The following SLX4IP variants were observed in gnomAD, a reference collection of about 807,000 sequenced individuals.
The protein encoded by SLX4IP is SLX4 interacting protein, also known as protein SLX4IP.
Under a neutral mutation model 32.9 loss-of-function variants are expected in SLX4IP, and 34 were observed. The ratio of observed to expected loss-of-function variants is 1.03; its 90% CI spans 0.79 to 1.38. SLX4IP has a LOEUF of 1.38. Among genes scored for constraint, SLX4IP ranks in the 40% most tolerant of loss-of-function variants. The pLI, the probability that SLX4IP is intolerant of heterozygous loss-of-function variation, is 0.00. For missense variants in SLX4IP, 444 were observed against 479.0 expected (o/e 0.93, Z 0.68); for synonymous variants, 172 against 171.7 (o/e 1.00, Z -0.01).
chr20:10,562,223 G>T (rs2066340586), intron 4 of SLX4IP, among the ~76,000 whole-genome samples: 1 of 152,184 alleles, frequency 6.6e-6, no homozygotes, highest in Admixed American at 6.5e-5. Context: ...TCTTGCCTTG[G>T]TGTACCGGAA....
In SLX4IP at chr20:10,604,954, A is replaced by G. The variant is rs2066888670; in HGVS notation, c.405+3135A>G. On this transcript the variant is annotated intron_variant, in intron 6 of 7. Transcript: ENST00000334534. ...CCTTTATTTGGTTTGTTTTTTCCTC[A>G]CCGTTTTTTTCCTTGGAAATATGAA... Among the ~76,000 whole-genome samples the G allele has an allele frequency of 2.6e-5, 4 of 151,854 alleles. No individual in the cohort carries two copies. In the East Asian group the frequency reaches 7.7e-4, roughly 29 times the overall value.
intron 2 of SLX4IP, among the ~76,000 whole-genome samples, chr20:10,511,994 T>G (rs528245753): frequency 1.8e-4 from 28 of 152,360 alleles, no homozygotes; most frequent in Middle Eastern, 3.4e-3. Flanking sequence ...TGTGAGATTA[T>G]GGGATTGGAA....
At chr20:10,487,620 C>T (rs1343082740) in intron 2 of SLX4IP, among the ~76,000 whole-genome samples, 1 of 152,128 alleles carries the variant, frequency 6.6e-6, no homozygotes, top group African/African-American at 2.4e-5. Context: ...TGATATGTAA[C>T]TTGGGCAGCA....
chr20:10,547,174 A>G (rs759435079), intron 2 of SLX4IP, among the ~76,000 whole-genome samples: 1 of 152,232 alleles, frequency 6.6e-6, no homozygotes, highest in East Asian at 1.9e-4. Context: ...GATACCAGAG[A>G]TGATTTACTG....
intron 2 of SLX4IP, among the ~76,000 whole-genome samples, chr20:10,510,483 C>G (rs1600944521): frequency 1.3e-5 from 2 of 152,182 alleles, no homozygotes; most frequent in South Asian, 4.1e-4. Flanking sequence ...AGCACGGAGC[C>G]CTGCTGGTGG....
At chr20:10,503,574 G>A (rs6077818) in intron 2 of SLX4IP, among the ~76,000 whole-genome samples, 3 of 152,290 alleles carry the variant, frequency 2.0e-5, no homozygotes, top group South Asian at 2.1e-4. Context: ...ACATGACTTC[G>A]TTTCTTAGCT....
intron 1 of SLX4IP, among the ~76,000 whole-genome samples, chr20:10,440,856 G>C (rs539272840): frequency 3.2e-4 from 48 of 152,248 alleles, no homozygotes; most frequent in African/African-American, 9.4e-4. Flanking sequence ...TTGTGCTCTT[G>C]TTGTTGGAAT....
rs558240249 is a variant in SLX4IP, at chr20:10,517,554, A to G, written c.28-38677A>G. Among the ~76,000 whole-genome samples the G allele has an allele frequency of 1.7e-4, 26 of 152,352 alleles. No individual in the cohort carries two copies. The South Asian group carries it at 3.5e-3, about 21-fold the overall frequency. On this transcript the variant is annotated intron_variant, in intron 2 of 7. Coordinates refer to ENST00000334534, the MANE Select transcript of SLX4IP (RefSeq NM_001009608.3). Reference sequence around the variant, plus strand: ...GGCTCTGGAGACAAATGAGCAGCCCAAGTTGCACTCCTAGCTCCTTGTCCG... The same window carrying G: ...GGCTCTGGAGACAAATGAGCAGCCCGAGTTGCACTCCTAGCTCCTTGTCCG...
intron 2 of SLX4IP, among the ~76,000 whole-genome samples, chr20:10,520,251 C>T (rs1485543283): frequency 3.3e-5 from 5 of 151,980 alleles, no homozygotes; most frequent in East Asian, 1.9e-4. Context: ...GGGGTTTCAC[C>T]GTGTTAGCCA....
At chr20:10,475,758 C>T (rs2065470845) in intron 2 of SLX4IP, among the ~76,000 whole-genome samples, 2 of 152,320 alleles carry the variant, frequency 1.3e-5, no homozygotes, top group South Asian at 4.1e-4. Flanking sequence ...TTTGCTTCAT[C>T]GATTGTGGCA....
intron 2 of SLX4IP, among the ~76,000 whole-genome samples, chr20:10,476,981 C>T (rs929591571): frequency 6.6e-6 from 1 of 152,096 alleles, no homozygotes; most frequent in African/African-American, 2.4e-5. Context: ...TCAGCAAAAC[C>T]AAGAGTCTTA....
chr20:10,457,853 C>G (rs1320411590), intron 1 of SLX4IP, among the ~76,000 whole-genome samples: 2 of 141,020 alleles, frequency 1.4e-5, no homozygotes, highest in Middle Eastern at 3.4e-3. Context: ...TTTTTTTTTT[C>G]TTTCTGTAGA....
intron 4 of SLX4IP, among the ~76,000 whole-genome samples, chr20:10,579,168 A>G (rs1187351866): frequency 2.0e-5 from 3 of 152,108 alleles, no homozygotes; most frequent in Non-Finnish European, 2.9e-5. Flanking sequence ...ATGTACATCT[A>G]TTTTTTAAGG....
At chr20:10,499,320 A>G (rs2065696805) in intron 2 of SLX4IP, among the ~76,000 whole-genome samples, 1 of 152,220 alleles carries the variant, frequency 6.6e-6, no homozygotes, top group Non-Finnish European at 1.5e-5. Flanking sequence ...GCATATGCAC[A>G]CAACATGCAC....
At chr20:10,511,282 C>G (rs1430968838) in intron 2 of SLX4IP, among the ~76,000 whole-genome samples, 1 of 152,150 alleles carries the variant, frequency 6.6e-6, no homozygotes, top group African/African-American at 2.4e-5. Context: ...TCATCATAGT[C>G]TCAGATAAAA....
At chr20:10,528,207 C>T (rs6077827) in intron 2 of SLX4IP, among the ~76,000 whole-genome samples, 89,743 of 151,990 alleles carry the variant, frequency 0.59, 26,889 homozygotes, top group South Asian at 0.74. Flanking sequence ...TCTAACTTTG[C>T]GCTATTCTTG....
rs575643074 is a variant in SLX4IP at position 10,609,028 on chromosome 20, G to T, written c.405+7209G>T. 6.4e-4 allele frequency among the ~76,000 whole-genome samples: 97 copies of T among 152,182 alleles called. 2 individuals are homozygous for T. The South Asian group carries it at 0.011, about 17-fold the overall frequency. On this transcript the variant is annotated intron_variant, in intron 6 of 7. Coordinates refer to ENST00000334534, the MANE Select transcript of SLX4IP (RefSeq NM_001009608.3). ...TGCTGGAGAAAGAGACACGCTAAAG[G>T]CAAAAACTTGTGACCTTCAGTGGGA... is the stretch of plus-strand genomic sequence containing the variant.
intron 1 of SLX4IP, among the ~76,000 whole-genome samples, chr20:10,437,073 C>T (rs1038147985): frequency 1.3e-4 from 20 of 151,980 alleles, no homozygotes; most frequent in Admixed American, 5.2e-4. Flanking sequence ...CTTGGTTTAC[C>T]AAAGCTTTTT....
At chr20:10,522,754 A>G (rs2065910389) in intron 2 of SLX4IP, among the ~76,000 whole-genome samples, 1 of 152,102 alleles carries the variant, frequency 6.6e-6, no homozygotes, top group African/African-American at 2.4e-5. Flanking sequence ...CTTCCCCGCC[A>G]TTGAATCTGT....
Sources: allele counts gnomAD v4.1 joint callset (sites outside exome capture counted in the v4.1 genomes callset), GRCh38; gene constraint gnomAD v4.1.1; transcripts MANE v1.5; gene names NCBI Gene and HGNC (gene_info 2026-07-23, HGNC 2026-07-21).